Variants in ROBO1 observed in about 807,000 individuals in gnomAD.
ROBO1 encodes the protein roundabout homolog 1.
A neutral mutation model predicts 195.9 loss-of-function variants in ROBO1; 149 were observed. The observed-to-expected ratio is 0.76, with a 90% CI of 0.67 to 0.87. The LOEUF is 0.87. Among genes scored for constraint, ROBO1 ranks in the 40% least tolerant of loss-of-function variants. The probability of loss-of-function intolerance (pLI) is 0.00; values close to 1 mark genes in which losing one functional copy is unlikely to be tolerated. For missense variants in ROBO1, 1,933 were observed against 2,068.3 expected, an observed-to-expected ratio of 0.93 and a Z score of 1.27; for synonymous variants, 816 against 733.2, an observed-to-expected ratio of 1.11 and a Z score of -1.82.
intron 2 of ROBO1, among the ~76,000 whole-genome samples, chr3:79,386,012 A>C (rs1575757277): frequency 6.6e-6 from 1 of 152,142 alleles, no homozygotes; most frequent in South Asian, 2.1e-4. Context: ...TTGGGAAAAT[A>C]ACGTAAAATT....
At chr3:79,514,574 T>C (rs911324327) in intron 2 of ROBO1, among the ~76,000 whole-genome samples, 2 of 152,188 alleles carry the variant, frequency 1.3e-5, no homozygotes, top group African/African-American at 4.8e-5. Context: ...ATATTAGGGT[T>C]TGAAGACTGT....
At chr3:78,646,250 A>G in intron 20 of ROBO1, 60 bp from the exon 21 acceptor site, 1 of 1,452,918 alleles carries the variant, frequency 6.9e-7, no homozygotes, top group Non-Finnish European at 9.6e-7. Flanking sequence ...ATCAAAAGCT[A>G]TTACATTCAT....
intron 2 of ROBO1, among the ~76,000 whole-genome samples, chr3:79,138,463 C>A (rs548875530): frequency 6.6e-6 from 1 of 152,018 alleles, no homozygotes; most frequent in East Asian, 1.9e-4. Context: ...ATATACTTAT[C>A]TATCTAAAAT....
intron 4 of ROBO1, among the ~76,000 whole-genome samples, chr3:78,791,641 G>A (rs2084024960): frequency 1.3e-5 from 2 of 152,132 alleles, no homozygotes; most frequent in African/African-American, 4.8e-5. Context: ...TCGTATCTGC[G>A]TCTGCTGATA....
intron 2 of ROBO1, among the ~76,000 whole-genome samples, chr3:79,565,522 C>A (rs1380362388): frequency 6.6e-6 from 1 of 151,928 alleles, no homozygotes; most frequent in African/African-American, 2.4e-5. Context: ...TGTATTTGCC[C>A]AAACTTGTTT....
intron 4 of ROBO1, among the ~76,000 whole-genome samples, chr3:78,795,120 G>T (rs969270475): frequency 1.3e-5 from 2 of 151,988 alleles, no homozygotes; most frequent in Non-Finnish European, 2.9e-5. Flanking sequence ...CCTGTAAAAA[G>T]ATAGCATTCC....
intron 3 of ROBO1, among the ~76,000 whole-genome samples, chr3:79,072,789 G>C (rs944622697): frequency 4.6e-5 from 7 of 151,772 alleles, no homozygotes; most frequent in African/African-American, 1.7e-4. Context: ...GAATTATATT[G>C]CTCATCTTGT....
intron 2 of ROBO1, among the ~76,000 whole-genome samples, chr3:79,421,503 C>G (rs1029366797): frequency 3.3e-5 from 5 of 152,038 alleles, no homozygotes; most frequent in African/African-American, 1.2e-4. Context: ...GGGGAAGAAC[C>G]CAGGCACAGG....
intron 2 of ROBO1, among the ~76,000 whole-genome samples, chr3:79,535,422 G>T (rs1941819706): frequency 1.3e-5 from 2 of 152,112 alleles, no homozygotes; most frequent in Non-Finnish European, 1.5e-5. Context: ...AGAAGAAAGG[G>T]AAGTGTGGTA....
chr3:79,214,764 A>G (rs1377655025), intron 2 of ROBO1, among the ~76,000 whole-genome samples: 1 of 147,632 alleles, frequency 6.8e-6, no homozygotes. Flanking sequence ...TATATATAGC[A>G]TATATTATAG....
At chr3:79,377,726 T>G (rs2109358691) in intron 2 of ROBO1, among the ~76,000 whole-genome samples, 1 of 152,310 alleles carries the variant, frequency 6.6e-6, no homozygotes, top group African/African-American at 2.4e-5. Flanking sequence ...CAAGAACTGT[T>G]CCTGCTGTAT....
chr3:79,269,321 T>C (rs2030298765), intron 2 of ROBO1, among the ~76,000 whole-genome samples: 1 of 151,806 alleles, frequency 6.6e-6, no homozygotes, highest in African/African-American at 2.4e-5. Context: ...ACAGTGACTT[T>C]CTCAGAGTAA....
intron 2 of ROBO1, among the ~76,000 whole-genome samples, chr3:79,424,157 C>T (rs1180710120): frequency 4.6e-5 from 7 of 152,066 alleles, no homozygotes; most frequent in Admixed American, 4.6e-4. Flanking sequence ...TACTTATACT[C>T]TAAGCAACTA....
intron 2 of ROBO1, among the ~76,000 whole-genome samples, chr3:79,447,708 G>T (rs143207198): frequency 6.6e-6 from 1 of 151,804 alleles, no homozygotes; most frequent in African/African-American, 2.4e-5. Flanking sequence ...ACAAAAACCA[G>T]TCCATAAGTG....
At chr3:79,686,342 T>A (rs1473967981) in intron 1 of ROBO1, among the ~76,000 whole-genome samples, 2 of 152,134 alleles carry the variant, frequency 1.3e-5, no homozygotes, top group African/African-American at 2.4e-5. Flanking sequence ...ACCACTCCTA[T>A]TCAACATAGT....
At position 79,428,991 on chromosome 3, in the gene ROBO1, C is replaced by T. The variant is rs76966103; in HGVS notation, c.88+160833G>A. On this transcript the variant is annotated intron_variant, in intron 2 of 30. Coordinates refer to ENST00000464233, the MANE Select transcript of ROBO1 (RefSeq NM_002941.4). Reference sequence around the variant, plus strand: ...TGGACTACAAAGGGACATAAAGGAACCTTTGGGGATGACGGAAATATTACG... The same window carrying T: ...TGGACTACAAAGGGACATAAAGGAATCTTTGGGGATGACGGAAATATTACG... Among the ~76,000 whole-genome samples the T allele has an allele frequency of 2.0e-5, 3 of 152,130 alleles. No homozygotes were observed. In the East Asian group the frequency reaches 5.8e-4, roughly 29 times the overall value.
chr3:79,241,222 T>G (rs182031392), intron 2 of ROBO1, among the ~76,000 whole-genome samples: 4 of 152,294 alleles, frequency 2.6e-5, no homozygotes, highest in African/African-American at 9.6e-5. Flanking sequence ...CTACAAAGTC[T>G]CTAGATAGCT....
intron 2 of ROBO1, among the ~76,000 whole-genome samples, chr3:79,266,913 G>T (rs2030013873): frequency 6.6e-6 from 1 of 151,608 alleles, no homozygotes; most frequent in African/African-American, 2.4e-5. Context: ...ATATAATGTA[G>T]AATAAACTCC....
At chr3:79,595,717 CTTTT>C (rs1279926039) in intron 1 of ROBO1, among the ~76,000 whole-genome samples, 11 of 147,844 alleles carry the variant, frequency 7.4e-5, no homozygotes. Context: ...TTCTCTTTTT[CTTTT>C]TACTTTTTTT....
Sources: allele counts gnomAD v4.1 joint callset (sites outside exome capture counted in the v4.1 genomes callset), GRCh38; gene constraint gnomAD v4.1.1; transcripts MANE v1.5; gene names NCBI Gene and HGNC (gene_info 2026-07-23, HGNC 2026-07-21).